Variants in CYP2E1 observed in about 807,000 individuals in gnomAD.
CYP2E1 encodes the protein cytochrome P450 family 2 subfamily E member 1, also known as cytochrome P450 2E1.
In CYP2E1, 31 loss-of-function variants were observed where a neutral mutation model predicts 42.9. The observed-to-expected ratio is 0.72, with a 90% CI of 0.54 to 0.98. CYP2E1 has a LOEUF of 0.98. Ranked by LOEUF, CYP2E1 falls within the 50% of genes least tolerant of loss-of-function variation. The pLI, the probability that CYP2E1 is intolerant of heterozygous loss-of-function variation, is 0.00. For synonymous variants in CYP2E1, 244 were observed against 248.9 expected (o/e 0.98, Z 0.19); for missense variants, 565 against 633.2 (o/e 0.89, Z 1.16).
chr10:133,533,926 C>T (rs372688363), intron 6 of CYP2E1, 29 bp downstream of exon 6: 17 of 1,611,726 alleles, frequency 1.1e-5, no homozygotes, highest in African/African-American at 1.3e-5. Flanking sequence ...GGACACCGTG[C>T]GTGCGGCTGC....
In CYP2E1 at chr10:133,538,812, C is replaced by T. The variant is rs140969399; in HGVS notation, c.1330C>T (p.Arg444Cys). 92 of 1,613,916 alleles carry T rather than the reference C, an allele frequency of 5.7e-5. No homozygotes were observed. Among genetic ancestry groups the T allele is most frequent in the Non-Finnish European group, 7.5e-5 (89 of 1,180,006 alleles). ...AGTGTGTGCTGGAGAAGGCCTGGCTCGCATGGAGTTGTTTCTTTTGTTGTG... is the reference window on the plus strand; with the variant it reads ...AGTGTGTGCTGGAGAAGGCCTGGCTTGCATGGAGTTGTTTCTTTTGTTGTG... ...KRVCAGEGLA[R>C]MELFLLLCAI... Residue 444 changes from arginine (R) to cysteine (C), a missense_variant, in exon 9 of 9, where the codon CGC becomes TGC. By Grantham distance (180) the Arg-to-Cys change is radical. Transcript: ENST00000252945.
At position 133,538,959 on chromosome 10, in the gene CYP2E1, T is replaced by TGTGGAGGA; in HGVS notation, c.1477_1478insGTGGAGGA (p.Ser493CysfsTer49). ...TTACAAACTCTGTGTCATTCCCCGC[T>TGTGGAGGA]CATGAGTGTGTGGAGGACACCCTGA... is the stretch of plus-strand genomic sequence containing the variant. On this transcript the variant is annotated frameshift_variant, in exon 9 of 9. Transcript: ENST00000252945. LOFTEE classifies it high-confidence loss of function. 2 of 1,610,132 alleles carry TGTGGAGGA rather than the reference T, an allele frequency of 1.2e-6. No individual in the cohort carries two copies. The highest frequency in any genetic ancestry group is 4.5e-5 in the East Asian group (2 of 44,738).
intron 8 of CYP2E1, 30 bp from the exon 9 acceptor site, chr10:133,538,750 G>A (rs768893831): frequency 6.3e-7 from 1 of 1,599,352 alleles, no homozygotes; most frequent in Non-Finnish European, 8.6e-7. Flanking sequence ...AACTCCCTCA[G>A]TGTCTCATCA....
chr10:133,536,942 G>T (rs1415806339), intron 6 of CYP2E1, 121 bp from the exon 7 acceptor site: 1 of 750,422 alleles, frequency 1.3e-6, no homozygotes, highest in Non-Finnish European at 2.3e-6. Context: ...ATGGAGGGGT[G>T]GATGGATGTG....
At chr10:133,528,202 G>A in intron 1 of CYP2E1, 1 of 367,298 alleles carries the variant, frequency 2.7e-6, no homozygotes. Flanking sequence ...TGAGGGAAGG[G>A]ACGTGAGGAG....
chr10:133,529,945 G>GC (rs1851317150), intron 2 of CYP2E1, among the ~76,000 whole-genome samples: 1 of 152,218 alleles, frequency 6.6e-6, no homozygotes, highest in East Asian at 1.9e-4. Context: ...ACTGGAGGAG[G>GC]CTCTGGGGTT....
intron 7 of CYP2E1, 29 bp from the exon 8 acceptor site, chr10:133,537,722 C>G: frequency 6.3e-7 from 1 of 1,594,562 alleles, no homozygotes. Flanking sequence ...GTTAACATGA[C>G]TCACTGAGAC....
rs749539588 is a variant in CYP2E1, at chr10:133,531,684, G to A, written c.437G>A (p.Arg146Gln). 1.3e-5 allele frequency: 21 copies of A among 1,611,746 alleles called. No individual in the cohort carries two copies. Among genetic ancestry groups the A allele is most frequent in the Middle Eastern group, 1.6e-4 (1 of 6,062 alleles). Residue 146 changes from arginine (R) to glutamine (Q), a missense_variant, in exon 3 of 9, where the codon CGG becomes CAG. Coordinates refer to ENST00000252945, the MANE Select transcript of CYP2E1 (RefSeq NM_000773.4). ...YGMGKQGNES[R>Q]IQREAHFLLE... ...ATGGGGAAACAGGGCAATGAGAGCC[G>A]GATCCAGAGGGAGGCCCACTTCCTG... is the stretch of plus-strand genomic sequence containing the variant.
intron 2 of CYP2E1, among the ~76,000 whole-genome samples, chr10:133,530,789 G>A (rs185529240): frequency 3.9e-5 from 6 of 152,342 alleles, no homozygotes; most frequent in African/African-American, 1.2e-4. Context: ...TGTAAAGGGG[G>A]TGTGGCTGGG....
intron 8 of CYP2E1, 25 bp downstream of exon 8, chr10:133,537,917 T>C (rs766769642): frequency 6.2e-7 from 1 of 1,608,082 alleles, no homozygotes; most frequent in South Asian, 1.1e-5. Flanking sequence ...AGGCAGTACC[T>C]TCCCTTGAGG....
chr10:133,533,787 T>C lies in CYP2E1; in HGVS notation c.857T>C (p.Met286Thr), dbSNP rs1851367001. Residue 286 changes from methionine (M) to threonine (T), a missense_variant, in exon 6 of 9, where the codon ATG becomes ACG. Transcript: ENST00000252945. ...CACAGTGCAGAGCGCTTGTACACAA[T>C]GGACGGTATCACCGTGACTGTGGCC... ...EKHSAERLYT[M>T]DGITVTVADL... 3 of 1,614,054 alleles carry C rather than the reference T, an allele frequency of 1.9e-6. No homozygotes were observed. Among genetic ancestry groups the C allele is most frequent in the African/African-American group, 2.7e-5 (2 of 74,922 alleles).
At chr10:133,528,670 G>T (rs1489235916) in intron 2 of CYP2E1, 30 bp downstream of exon 2, 1 of 1,611,730 alleles carries the variant, frequency 6.2e-7, no homozygotes, top group East Asian at 2.2e-5. Context: ...ACGGAGCGGG[G>T]GGTGCATAAC....
At chr10:133,532,413 AT>A in intron 4 of CYP2E1, 129 bp downstream of exon 4, 3 of 923,676 alleles carry the variant, frequency 3.2e-6, no homozygotes, top group Non-Finnish European at 4.9e-6. Context: ...GGGGTGTTTG[AT>A]TAGACAGCCC....
chr10:133,537,001 G>GGGTGGATGAT, intron 6 of CYP2E1, 62 bp from the exon 7 acceptor site: 1 of 1,489,470 alleles, frequency 6.7e-7, no homozygotes, highest in Non-Finnish European at 9.3e-7. Flanking sequence ...GGTGGATGAT[G>GGGTGGATGAT]GGTGGATGCC....
chr10:133,532,354 G>A, intron 4 of CYP2E1, 70 bp downstream of exon 4: 1 of 1,485,608 alleles, frequency 6.7e-7, no homozygotes, highest in Non-Finnish European at 9.2e-7. Flanking sequence ...GGAAAATTTG[G>A]GTTATATGTG....
Position 133,534,041 on chromosome 10 carries a change from G to C in CYP2E1, c.967+144G>C. 5.6e-6 allele frequency: 5 copies of C among 886,484 alleles called. No homozygotes were observed. In the South Asian group the frequency reaches 8.2e-5, roughly 15 times the overall value. The allele number at this position is 886,484 out of a possible 1,614,324, so 54.9% of individuals were successfully genotyped here. On this transcript the variant is annotated intron_variant, in intron 6 of 8. Transcript: ENST00000252945. ...TGGTGAGATGGCTAGATGCACTGCT[G>C]TGAGGGGAGGTGTTATGGTCTGTGC...
At chr10:133,533,001 A>C in intron 5 of CYP2E1, 133 bp downstream of exon 5, 3 of 842,250 alleles carry the variant, frequency 3.6e-6, no homozygotes, top group African/African-American at 1.8e-5. Context: ...TCATACACAC[A>C]CTCTTGGCTT....
intron 2 of CYP2E1, among the ~76,000 whole-genome samples, chr10:133,531,232 T>A (rs1297750056): frequency 6.6e-6 from 1 of 152,152 alleles, no homozygotes; most frequent in Admixed American, 6.5e-5. Flanking sequence ...TGGGAGGTGT[T>A]CTTGGAGTGG....
chr10:133,535,826 G>A (rs1851388300), intron 6 of CYP2E1, among the ~76,000 whole-genome samples: 1 of 152,188 alleles, frequency 6.6e-6, no homozygotes, highest in Admixed American at 6.5e-5. Context: ...ATTGCTGTGT[G>A]GCTTTGCACT....
Sources: gnomAD v4.1 joint callset for allele counts (sites outside exome capture counted in the v4.1 genomes callset) on GRCh38, gnomAD v4.1.1 for gene constraint, MANE v1.5 for transcripts, NCBI Gene and HGNC (gene_info 2026-07-23, HGNC 2026-07-21) for gene names.